GRB10: variants seen among roughly 807,000 people sequenced by gnomAD.
GRB10 encodes the protein growth factor receptor bound protein 10.
GRB10 carries 20 observed loss-of-function variants against 80.9 expected under a neutral mutation model. That is an observed-to-expected ratio of 0.25 (90% confidence interval 0.17 to 0.36). The LOEUF (loss-of-function observed/expected upper bound fraction) is 0.36. Among genes scored for constraint, GRB10 ranks in the 10% least tolerant of loss-of-function variants. GRB10 has a pLI of 1.00. For synonymous variants in GRB10, 291 were observed against 291.5 expected (o/e 1.00, Z 0.02); for missense variants, 548 against 747.7 (o/e 0.73, Z 3.12).
intron 17 of GRB10, among the ~76,000 whole-genome samples, chr7:50,600,725 G>C (rs2047452685): frequency 6.6e-6 from 1 of 152,224 alleles, no homozygotes; most frequent in African/African-American, 2.4e-5. Flanking sequence ...AAACAGGGTA[G>C]AACTGCCAAA....
At chr7:50,633,622 G>C (rs936565793) in intron 7 of GRB10, among the ~76,000 whole-genome samples, 1 of 152,064 alleles carries the variant, frequency 6.6e-6, no homozygotes, top group Admixed American at 6.6e-5. Flanking sequence ...CTCAATGAGA[G>C]CCAAGAGAAA....
chr7:50,780,338 A>G (rs953433097), intron 2 of GRB10, among the ~76,000 whole-genome samples: 4 of 152,158 alleles, frequency 2.6e-5, no homozygotes, highest in African/African-American at 9.7e-5. Flanking sequence ...CAAAAGGCCC[A>G]CATAAAGGCC....
chr7:50,735,487 T>C (rs2070647252), intron 3 of GRB10, among the ~76,000 whole-genome samples: 1 of 152,146 alleles, frequency 6.6e-6, no homozygotes, highest in Admixed American at 6.5e-5. Flanking sequence ...GCAAGCTGGC[T>C]AAGATTGAAA....
At chr7:50,733,739 G>A (rs2070312355) in intron 3 of GRB10, among the ~76,000 whole-genome samples, 2 of 152,218 alleles carry the variant, frequency 1.3e-5, no homozygotes, top group Non-Finnish European at 2.9e-5. Flanking sequence ...GGTAGCTGGT[G>A]TTACACGTCA....
chr7:50,677,083 G>A (rs990700320), intron 5 of GRB10, among the ~76,000 whole-genome samples: 1 of 152,178 alleles, frequency 6.6e-6, no homozygotes, highest in Admixed American at 6.5e-5. Context: ...CGAAGATGCG[G>A]ACTGGGTGAA....
In GRB10 at chr7:50,630,726, G is replaced by A. The variant is rs764961203; in HGVS notation, c.505-3748C>T. On this transcript the variant is annotated intron_variant, in intron 7 of 18. Transcript: ENST00000401949. ...AGCAAATTGTTTTTAAAAATAAAAC[G>A]GCAATATTAAAGAGGGCATAATTAT... 2.2e-4 allele frequency among the ~76,000 whole-genome samples: 33 copies of A among 152,146 alleles called. 1 individual carries two copies. The highest frequency in any genetic ancestry group is 4.4e-4 in the Non-Finnish European group (30 of 68,028).
chr7:50,659,311 A>C (rs773239894), intron 7 of GRB10, among the ~76,000 whole-genome samples: 1 of 152,124 alleles, frequency 6.6e-6, no homozygotes, highest in Non-Finnish European at 1.5e-5. Flanking sequence ...CTAGAAAATG[A>C]GAGGTAAAAA....
At chr7:50,741,566 A>AC (rs1209506607) in intron 3 of GRB10, among the ~76,000 whole-genome samples, 2 of 136,536 alleles carry the variant, frequency 1.5e-5, no homozygotes, top group Non-Finnish European at 3.1e-5. Flanking sequence ...AAAAAAAAAA[A>AC]AAAAAAAAAC....
chr7:50,707,270 TC>T (rs1563530211), intron 4 of GRB10, among the ~76,000 whole-genome samples: 1 of 152,048 alleles, frequency 6.6e-6, no homozygotes, highest in African/African-American at 2.4e-5. Context: ...AATGACTCCT[TC>T]CCCCCAAAAG....
chr7:50,712,153 C>T (rs1350979970), intron 4 of GRB10, among the ~76,000 whole-genome samples: 1 of 152,172 alleles, frequency 6.6e-6, no homozygotes, highest in Non-Finnish European at 1.5e-5. Flanking sequence ...ATCAGCACTC[C>T]TATTCTGCCA....
At chr7:50,776,811 T>C (rs1227054038) in intron 2 of GRB10, among the ~76,000 whole-genome samples, 1 of 152,194 alleles carries the variant, frequency 6.6e-6, no homozygotes, top group Non-Finnish European at 1.5e-5. Flanking sequence ...CTGTCTATAA[T>C]ACTACCAGCA....
At chr7:50,611,092 A>C (rs2049439489) in intron 13 of GRB10, among the ~76,000 whole-genome samples, 1 of 152,010 alleles carries the variant, frequency 6.6e-6, no homozygotes, top group Admixed American at 6.6e-5. Context: ...CGCTGCCCCT[A>C]TCTGCACAGC....
At chr7:50,657,761 T>C (rs2153626018) in intron 7 of GRB10, among the ~76,000 whole-genome samples, 1 of 152,370 alleles carries the variant, frequency 6.6e-6, no homozygotes, top group South Asian at 2.1e-4. Context: ...ACAGGGACTA[T>C]GTCTGTGCTC....
chr7:50,626,818 C>G lies in GRB10; in HGVS notation c.661+4G>C. 6.2e-7 allele frequency: 1 copy of G among 1,614,196 alleles called. No homozygotes were observed. Among genetic ancestry groups the G allele is most frequent in the Non-Finnish European group, 8.5e-7 (1 of 1,180,034 alleles). ...GTGCCAATCCTGTTCTGATGGTTCC[C>G]TACCTAATCCTAGGTGCGGGTGGTG... is the stretch of plus-strand genomic sequence containing the variant. On this transcript the variant is annotated splice_donor_region_variant and intron_variant, in intron 8 of 18. Coordinates refer to ENST00000401949, the MANE Select transcript of GRB10 (RefSeq NM_001350814.2).
intron 4 of GRB10, among the ~76,000 whole-genome samples, chr7:50,718,851 G>T (rs1028252560): frequency 6.6e-6 from 1 of 152,126 alleles, no homozygotes; most frequent in Non-Finnish European, 1.5e-5. Flanking sequence ...GTCTAAGCTT[G>T]TTGAACCCCT....
rs1028094673 is a variant in GRB10 at position 50,592,663 on chromosome 7, C to A, written c.*289G>T. The A allele has an allele frequency of 6.3e-6, 3 of 475,410 alleles. No homozygotes were observed. The highest frequency in any genetic ancestry group is 1.9e-5 in the African/African-American group (1 of 51,346). The allele number at this position is 475,410 out of a possible 1,614,324, so 29.4% of individuals were successfully genotyped here. ...CTTCTCTCCGGTTCTTGTTCCTAAGCGGCCCAAGCCAAGATGATCATTCCA... is the reference window on the plus strand; with the variant it reads ...CTTCTCTCCGGTTCTTGTTCCTAAGAGGCCCAAGCCAAGATGATCATTCCA... On this transcript the variant is annotated 3_prime_UTR_variant, in exon 19 of 19. Coordinates refer to ENST00000401949, the MANE Select transcript of GRB10 (RefSeq NM_001350814.2).
At chr7:50,776,172 A>C (rs527438743) in intron 2 of GRB10, among the ~76,000 whole-genome samples, 1 of 152,296 alleles carries the variant, frequency 6.6e-6, no homozygotes, top group South Asian at 2.1e-4. Context: ...ACATGTTTTT[A>C]CAACCTGGGC....
rs911903693 is a variant in GRB10, at chr7:50,603,872, T to C, written c.1544+126A>G. 5.8e-6 allele frequency: 5 copies of C among 867,348 alleles called. No homozygotes were observed. In the African/African-American group the frequency reaches 8.2e-5, roughly 14 times the overall value. 53.7% of individuals were successfully genotyped at this position (867,348 alleles called of 1,614,324 possible). A position where few individuals can be genotyped will look rare whatever the true frequency, so the allele number is the denominator to read the frequency against. ...ACTTATACCTCTAGCCTACCTTTTC[T>C]CCTCTTTAAAATGAGGACAAAACTG... On this transcript the variant is annotated intron_variant, in intron 17 of 18. Coordinates refer to ENST00000401949, the MANE Select transcript of GRB10 (RefSeq NM_001350814.2).
intron 7 of GRB10, among the ~76,000 whole-genome samples, chr7:50,667,938 G>T (rs1217438372): frequency 6.6e-6 from 1 of 152,180 alleles, no homozygotes; most frequent in African/African-American, 2.4e-5. Context: ...TATTTTCATG[G>T]TCTTATTTTA....
Sources: allele counts gnomAD v4.1 joint callset (sites outside exome capture counted in the v4.1 genomes callset), GRCh38; gene constraint gnomAD v4.1.1; transcripts MANE v1.5; gene names NCBI Gene and HGNC (gene_info 2026-07-23, HGNC 2026-07-21).